IL6ST: variants seen among roughly 807,000 people sequenced by gnomAD.
IL6ST encodes the protein interleukin 6 cytokine family signal transducer.
In IL6ST, 24 loss-of-function variants were observed where a neutral mutation model predicts 91.3. The ratio of observed to expected loss-of-function variants is 0.26; its 90% CI spans 0.19 to 0.37. The LOEUF is 0.37. IL6ST is among the 10% of genes least tolerant of loss of function. The pLI is 1.00. For missense variants in IL6ST, 914 were observed against 1,078.5 expected (o/e 0.85, Z 2.14); for synonymous variants, 351 against 373.6 (o/e 0.94, Z 0.70).
chr5:55,952,739 G>A (rs1279803704), intron 11 of IL6ST, among the ~76,000 whole-genome samples: 1 of 152,140 alleles, frequency 6.6e-6, no homozygotes, highest in Non-Finnish European at 1.5e-5. Flanking sequence ...AACGGTCCTA[G>A]TTTGCGAGTT....
At chr5:55,959,815 G>A in intron 8 of IL6ST, 1 of 329,484 alleles carries the variant, frequency 3.0e-6, no homozygotes, top group South Asian at 2.8e-5. Context: ...AAGTCTCCTT[G>A]AATAAAATGT....
intron 1 of IL6ST, among the ~76,000 whole-genome samples, chr5:55,983,679 T>C (rs940519275): frequency 6.6e-6 from 1 of 152,158 alleles, no homozygotes; most frequent in Non-Finnish European, 1.5e-5. Flanking sequence ...AAATGTCTAA[T>C]GAAAAGAAAC....
At chr5:55,954,359 G>C (rs1460710459) in intron 11 of IL6ST, among the ~76,000 whole-genome samples, 2 of 152,092 alleles carry the variant, frequency 1.3e-5, no homozygotes, top group Non-Finnish European at 2.9e-5. Flanking sequence ...TCTGTCCTTT[G>C]TTACTACTTC....
chr5:55,989,156 G>GAAA (rs34291578), intron 1 of IL6ST, among the ~76,000 whole-genome samples: 1 of 113,698 alleles, frequency 8.8e-6, no homozygotes, highest in Admixed American at 9.0e-5. Context: ...AAGTCTCGCA[G>GAAA]AAAAAAAAAA....
intron 8 of IL6ST, among the ~76,000 whole-genome samples, chr5:55,958,839 CAA>C (rs58625180): frequency 1.1e-4 from 10 of 88,946 alleles, no homozygotes; most frequent in Admixed American, 1.3e-4. Flanking sequence ...GCACTATTTC[CAA>C]AAAAAAAAAA....
chr5:55,956,060 G>T lies in IL6ST; in HGVS notation c.1232C>A (p.Ala411Glu). Residue 411 changes from alanine to glutamate, a missense_variant, in exon 10 of 17, where the codon GCA (alanine) becomes GAA (glutamate). Transcript: ENST00000381298. Reference protein sequence around the residue: ...TVRNLVGKSDAAVLTIPACDF... With the variant: ...TVRNLVGKSDEAVLTIPACDF... Reference sequence around the variant, plus strand: ...ACAGGCAGGGATAGTTAAAACAGCTGCATCTGATTTGCCAACAAGATTTCT... The same window carrying T: ...ACAGGCAGGGATAGTTAAAACAGCTTCATCTGATTTGCCAACAAGATTTCT... The T allele has an allele frequency of 6.2e-7, 1 of 1,613,298 alleles. No individual in the cohort carries two copies.
intron 2 of IL6ST, among the ~76,000 whole-genome samples, chr5:55,978,594 C>T (rs895606313): frequency 2.6e-5 from 4 of 152,274 alleles, no homozygotes; most frequent in East Asian, 1.9e-4. Context: ...GGCGTGGTGG[C>T]GGCCGCCTGT....
chr5:55,976,343 C>T (rs775209835), intron 2 of IL6ST, 50 bp from the exon 3 acceptor site: 1 of 999,368 alleles, frequency 1.0e-6, no homozygotes, highest in African/African-American at 1.7e-5. Flanking sequence ...CTCTTATATA[C>T]ACATAATTTA....
rs931897488 is a variant in IL6ST, at chr5:55,935,474, C to T, written c.*5608G>A. On this transcript the variant is annotated 3_prime_UTR_variant, in exon 17 of 17. Coordinates refer to ENST00000381298, the MANE Select transcript of IL6ST (RefSeq NM_002184.4). Reference sequence around the variant, plus strand: ...GTACATTTTCCTCCCTTGATGGAGACAGAACTTTTCTATGGAGAACCCAAG... The same window carrying T: ...GTACATTTTCCTCCCTTGATGGAGATAGAACTTTTCTATGGAGAACCCAAG... 1.1e-5 allele frequency: 2 copies of T among 174,916 alleles called. No individual in the cohort carries two copies. Among genetic ancestry groups the T allele is most frequent in the East Asian group, 1.4e-4 (2 of 13,998 alleles). 10.8% of individuals were successfully genotyped at this position (174,916 alleles called of 1,614,324 possible). A position where few individuals can be genotyped will look rare whatever the true frequency, so the allele number is the denominator to read the frequency against.
chr5:55,958,461 G>A (rs1283313259), intron 8 of IL6ST, among the ~76,000 whole-genome samples: 1 of 151,954 alleles, frequency 6.6e-6, no homozygotes, highest in African/African-American at 2.4e-5. Context: ...AAAAATCAAT[G>A]GCATTAACTG....
chr5:55,969,454 A>G, intron 4 of IL6ST, 96 bp downstream of exon 4: 1 of 823,068 alleles, frequency 1.2e-6, no homozygotes, highest in South Asian at 1.9e-5. Flanking sequence ...CACTAAGTCC[A>G]CAAGTTACTA....
chr5:55,959,775 A>G (rs1752197642), intron 8 of IL6ST: 21 of 446,464 alleles, frequency 4.7e-5, no homozygotes, highest in South Asian at 3.6e-4. Flanking sequence ...GATTCAGGAT[A>G]TGATTCTCTA....
At chr5:55,944,876 C>G in intron 15 of IL6ST, 1 of 572,452 alleles carries the variant, frequency 1.7e-6, no homozygotes, top group Non-Finnish European at 3.3e-6. Context: ...GCCCTCTGAT[C>G]GCCGATCACC....
rs528316382 is a variant in IL6ST, at chr5:55,950,405, TG to T, written c.1840+1058del. ...ACAAAAAATTAGCCAGGCATGGTAG[TG>T]GGCACCTCTACCCCAGCTACGTGGG... On this transcript the variant is annotated intron_variant, in intron 14 of 16. Transcript: ENST00000381298. Among the ~76,000 whole-genome samples, 204 of 151,312 alleles carry T rather than the reference TG, an allele frequency of 1.3e-3. No individual in the cohort carries two copies. The Middle Eastern group carries it at 0.017, about 13-fold the overall frequency.
At chr5:55,951,156 A>G (rs77618950) in intron 14 of IL6ST, among the ~76,000 whole-genome samples, 2,911 of 152,270 alleles carry the variant, frequency 0.019, 40 homozygotes, top group Non-Finnish European at 0.03. Flanking sequence ...TCTCAATAAA[A>G]GAAAGAAATG....
chr5:55,963,344 C>A lies in IL6ST; in HGVS notation c.813+8G>T. The A allele has an allele frequency of 6.4e-7, 1 of 1,558,540 alleles. No individual in the cohort carries two copies. The highest frequency in any genetic ancestry group is 8.7e-7 in the Non-Finnish European group (1 of 1,151,016). ...GACTATTTGAATAAACGGTAACTTT[C>A]AATTTACCTGGCTCCAAGTTGAGGC... On this transcript the variant is annotated splice_region_variant and intron_variant, in intron 7 of 16. Transcript: ENST00000381298.
At chr5:55,987,956 C>T (rs1455832440) in intron 1 of IL6ST, among the ~76,000 whole-genome samples, 1 of 151,918 alleles carries the variant, frequency 6.6e-6, no homozygotes, top group African/African-American at 2.4e-5. Context: ...TATGGTGAAA[C>T]GCTGTCTCTA....
intron 3 of IL6ST, among the ~76,000 whole-genome samples, chr5:55,972,139 T>C (rs953723002): frequency 6.6e-6 from 1 of 152,190 alleles, no homozygotes. Flanking sequence ...ATATGAAATA[T>C]ACTCTAGAGT....
At chr5:55,964,337 A>G in intron 5 of IL6ST, 25 bp from the exon 6 acceptor site, 1 of 1,568,370 alleles carries the variant, frequency 6.4e-7, no homozygotes, top group African/African-American at 1.4e-5. Context: ...TTGAAGAATC[A>G]GTCATTAAAA....
Sources: allele counts gnomAD v4.1 joint callset (sites outside exome capture counted in the v4.1 genomes callset), GRCh38; gene constraint gnomAD v4.1.1; transcripts MANE v1.5; gene names NCBI Gene and HGNC (gene_info 2026-07-23, HGNC 2026-07-21).